Variants in SKOR2 observed in about 807,000 individuals in gnomAD.
SKOR2 encodes SKI family transcriptional corepressor 2.
SKOR2 carries 47 observed loss-of-function variants against 69.1 expected under a neutral mutation model. The observed-to-expected ratio is 0.68, with a 90% CI of 0.54 to 0.87. SKOR2 has a LOEUF of 0.87. SKOR2 is among the 40% of genes least tolerant of loss of function. The pLI is 0.00. For synonymous variants in SKOR2, 717 were observed against 672.6 expected, an observed-to-expected ratio of 1.07 and a Z score of -1.02; for missense variants, 1,404 against 1,472.2, an observed-to-expected ratio of 0.95 and a Z score of 0.76.
chr18:47,242,530 A>G (rs925132049), intron 4 of SKOR2, among the ~76,000 whole-genome samples: 1 of 152,100 alleles, frequency 6.6e-6, no homozygotes, highest in African/African-American at 2.4e-5. Context: ...ATTATCCCAT[A>G]ATTTTGTATG....
intron 3 of SKOR2, 36 bp from the exon 4 acceptor site, chr18:47,245,018 T>A (rs1214737137): frequency 6.6e-7 from 1 of 1,513,464 alleles, no homozygotes; most frequent in Non-Finnish European, 8.8e-7. Flanking sequence ...CTGCAAGTGA[T>A]CCAACTGACA....
chr18:47,247,519 G>T lies in SKOR2; in HGVS notation c.1665C>A (p.Asp555Glu), dbSNP rs1212202961. 10 of 1,212,574 alleles carry T rather than the reference G, an allele frequency of 8.2e-6. No individual in the cohort carries two copies. The highest frequency in any genetic ancestry group is 1.0e-5 in the Non-Finnish European group (10 of 976,646). 75.1% of individuals were successfully genotyped at this position (1,212,574 alleles called of 1,614,324 possible). Residue 555 changes from aspartate to glutamate, a missense_variant, in exon 2 of 9, where the codon GAC becomes GAA. This residue lies in a region of SKOR2 where 1,266 missense variants were observed against 1,309.9 expected (regional missense o/e 0.97). Transcript: ENST00000425639. This position sits in a 1 kb window ranked among gnomAD's most constrained non-coding sequence, Gnocchi z 6.6. ...CGCCCGGGGGCGACTCGAAGAGCGC[G>T]TCGCGAGAGCCGGCGCCCCCGGCAG... is the stretch of plus-strand genomic sequence containing the variant. ...PPPAGGAGSR[D>E]ALFESPPGGS... is the part of the protein sequence containing the mutation.
In SKOR2 at chr18:47,246,600, A is replaced by T; in HGVS notation, c.2584T>A (p.Ser862Thr). The T allele has an allele frequency of 6.6e-7, 1 of 1,521,728 alleles. No homozygotes were observed. Among genetic ancestry groups the T allele is most frequent in the Non-Finnish European group, 8.8e-7 (1 of 1,140,472 alleles). 94.3% of individuals were successfully genotyped at this position (1,521,728 alleles called of 1,614,324 possible). The change falls in exon 2 of 9, where the codon TCA becomes ACA. Residue 862 changes from serine to threonine, a missense_variant. By Grantham distance (58) the Ser-to-Thr change is moderately conservative. Coordinates refer to ENST00000425639, the MANE Select transcript of SKOR2 (RefSeq NM_001278063.4). ...TTGTAGGAGGGCTGCTCCTCCAGTG[A>T]TGGATGGTGAACTGGGCTGCCCGGG... ...SSPGSPVHHP[S>T]LEEQPSYKDS...
At chr18:47,237,622 A>G (rs1353699313) in intron 4 of SKOR2, among the ~76,000 whole-genome samples, 3 of 152,126 alleles carry the variant, frequency 2.0e-5, no homozygotes, top group Admixed American at 6.6e-5. Context: ...TTGAATAAAG[A>G]TCAAAAAATG....
chr18:47,229,148 T>G (rs1227811458), intron 6 of SKOR2, among the ~76,000 whole-genome samples: 6 of 152,224 alleles, frequency 3.9e-5, no homozygotes, highest in Non-Finnish European at 4.4e-5. Flanking sequence ...AGTGATTACA[T>G]TTAGGAAGCC....
chr18:47,230,561 A>T lies in SKOR2; in HGVS notation c.2819-4T>A. ...AATAAAACCTTCTGAAGTTCTTCTAATAAAAAAAAGAAGAGTCATTTTACT... is the reference window on the plus strand; with the variant it reads ...AATAAAACCTTCTGAAGTTCTTCTATTAAAAAAAAGAAGAGTCATTTTACT... On this transcript the variant is annotated splice_polypyrimidine_tract_variant and splice_region_variant and intron_variant, in intron 5 of 8. Coordinates refer to ENST00000425639, the MANE Select transcript of SKOR2 (RefSeq NM_001278063.4). The T allele has an allele frequency of 7.1e-7, 1 of 1,404,242 alleles. No homozygotes were observed. The highest frequency in any genetic ancestry group is 2.6e-5 in the East Asian group (1 of 37,764). 87.0% of individuals were successfully genotyped at this position (1,404,242 alleles called of 1,614,324 possible).
intron 7 of SKOR2, among the ~76,000 whole-genome samples, chr18:47,214,906 C>T (rs1025207048): frequency 5.9e-5 from 9 of 151,560 alleles, no homozygotes; most frequent in Middle Eastern, 3.2e-3. Flanking sequence ...TAGAAATTAC[C>T]GAGATTGGCA....
rs1220697707 is a variant in SKOR2 at position 47,247,622 on chromosome 18, C to G, written c.1562G>C (p.Gly521Ala). 7.7e-7 allele frequency: 1 copy of G among 1,293,464 alleles called. No homozygotes were observed. Among genetic ancestry groups the G allele is most frequent in the Non-Finnish European group, 9.8e-7 (1 of 1,023,376 alleles). The allele number at this position is 1,293,464 out of a possible 1,614,324, so 80.1% of individuals were successfully genotyped here. Residue 521 changes from glycine to alanine, a missense_variant, in exon 2 of 9, where the codon GGG becomes GCG. Coordinates refer to ENST00000425639, the MANE Select transcript of SKOR2 (RefSeq NM_001278063.4). The surrounding 1 kb of genome is among the most constrained non-coding windows in gnomAD (Gnocchi z 6.6). ...CGGCGGGGGCGCGGCCTCGGCGCTCCCAGCAGCACCGCCTGGCTCAGCCAG... is the reference window on the plus strand; with the variant it reads ...CGGCGGGGGCGCGGCCTCGGCGCTCGCAGCAGCACCGCCTGGCTCAGCCAG... ...LDLAEPGGAA[G>A]SAEAAPPPGQ... is the part of the protein sequence containing the mutation.
chr18:47,237,632 GT>G lies in SKOR2; in HGVS notation c.2753-6633del, dbSNP rs1409072220. Among the ~76,000 whole-genome samples, 5 of 151,942 alleles carry G rather than the reference GT, an allele frequency of 3.3e-5. No individual in the cohort carries two copies. The East Asian group carries it at 9.7e-4, about 29-fold the overall frequency. On this transcript the variant is annotated intron_variant, in intron 4 of 8. Coordinates refer to ENST00000425639, the MANE Select transcript of SKOR2 (RefSeq NM_001278063.4). ...GCCATTTGAATAAAGATCAAAAAAT[GT>G]GGCATTCACCCATCCCTTCTATGGA... is the stretch of plus-strand genomic sequence containing the variant.
At position 47,247,648 on chromosome 18, in the gene SKOR2, G is replaced by A. The variant is rs1452443930; in HGVS notation, c.1536C>T (p.Asp512=). ...SPALLRQAFL[D]LAEPGGAAGS... is the part of the protein sequence containing the mutation. Reference sequence around the variant, plus strand: ...CAGCAGCACCGCCTGGCTCAGCCAGGTCCAGGAAGGCCTGGCGCAGCAGGG... The same window carrying A: ...CAGCAGCACCGCCTGGCTCAGCCAGATCCAGGAAGGCCTGGCGCAGCAGGG... Residue 512 remains aspartate, a synonymous_variant, in exon 2 of 9, where the codon GAC becomes GAT. Coordinates refer to ENST00000425639, the MANE Select transcript of SKOR2 (RefSeq NM_001278063.4). This position sits in a 1 kb window ranked among gnomAD's most constrained non-coding sequence, Gnocchi z 6.6. 2 of 1,362,266 alleles carry A rather than the reference G, an allele frequency of 1.5e-6. No homozygotes were observed. The highest frequency in any genetic ancestry group is 3.3e-5 in the Admixed American group (1 of 29,960). The allele number at this position is 1,362,266 out of a possible 1,614,324, so 84.4% of individuals were successfully genotyped here.
chr18:47,240,866 C>A (rs774534618), intron 4 of SKOR2, among the ~76,000 whole-genome samples: 7 of 152,098 alleles, frequency 4.6e-5, no homozygotes, highest in East Asian at 1.9e-4. Flanking sequence ...CTATAAAAAT[C>A]AAAAATTGCA....
chr18:47,245,137 G>A (rs892635268), intron 3 of SKOR2, among the ~76,000 whole-genome samples, 155 bp from the exon 4 acceptor site: 1 of 152,014 alleles, frequency 6.6e-6, no homozygotes, highest in African/African-American at 2.4e-5. Flanking sequence ...AAGGCTCTAG[G>A]TATTCTCCAA....
intron 4 of SKOR2, among the ~76,000 whole-genome samples, chr18:47,240,074 T>A (rs969007168): frequency 3.9e-5 from 6 of 152,220 alleles, no homozygotes; most frequent in African/African-American, 1.4e-4. Context: ...AATTGCTTCT[T>A]ACTATTCTCA....
At chr18:47,233,696 T>C (rs891989822) in intron 4 of SKOR2, among the ~76,000 whole-genome samples, 3 of 152,368 alleles carry the variant, frequency 2.0e-5, no homozygotes, top group Non-Finnish European at 1.5e-5. Context: ...TATCAAATTA[T>C]AGACCAGATT....
chr18:47,244,850 T>C, intron 4 of SKOR2, 58 bp downstream of exon 4: 1 of 1,443,780 alleles, frequency 6.9e-7, no homozygotes. Context: ...TGATTATGAA[T>C]TTCAGCCCCT....
At chr18:47,216,084 T>A (rs1254382667) in intron 7 of SKOR2, among the ~76,000 whole-genome samples, 1 of 152,222 alleles carries the variant, frequency 6.6e-6, no homozygotes, top group African/African-American at 2.4e-5. Flanking sequence ...AAATCTTCAG[T>A]CAGCTTCTTC....
At chr18:47,244,214 C>G (rs915226419) in intron 4 of SKOR2, among the ~76,000 whole-genome samples, 1 of 152,214 alleles carries the variant, frequency 6.6e-6, no homozygotes, top group African/African-American at 2.4e-5. Context: ...CTTGCTCTCT[C>G]TGTCTCATTT....
chr18:47,240,426 G>C (rs2064243798), intron 4 of SKOR2, among the ~76,000 whole-genome samples: 2 of 152,164 alleles, frequency 1.3e-5, no homozygotes, highest in African/African-American at 4.8e-5. Context: ...ATATTTTGAT[G>C]AAACTACCAT....
chr18:47,245,942 T>C (rs1243102904), intron 2 of SKOR2, among the ~76,000 whole-genome samples: 1 of 152,100 alleles, frequency 6.6e-6, no homozygotes, highest in Non-Finnish European at 1.5e-5. Flanking sequence ...GAATGTTCAG[T>C]CATTTAAATT....
Sources: allele counts gnomAD v4.1 joint callset (sites outside exome capture counted in the v4.1 genomes callset), GRCh38; gene constraint gnomAD v4.1.1; regional missense constraint gnomAD v4.1.1; non-coding constraint Gnocchi (gnomAD v3.1); transcripts MANE v1.5; gene names NCBI Gene and HGNC (gene_info 2026-07-23, HGNC 2026-07-21).